TMEM245: variants seen among roughly 807,000 people sequenced by gnomAD.
The protein encoded by TMEM245 is protein CG-2.
TMEM245 carries 69 observed loss-of-function variants against 101.2 expected under a neutral mutation model. The ratio of observed to expected loss-of-function variants is 0.68; its 90% CI spans 0.56 to 0.83. The LOEUF (loss-of-function observed/expected upper bound fraction) is 0.83, where lower values mean the gene tolerates loss of function less well. TMEM245 is among the 40% of genes least tolerant of loss of function. The pLI, the probability that TMEM245 is intolerant of heterozygous loss-of-function variation, is 0.00. For missense variants in TMEM245, 1,075 were observed against 1,092.8 expected (o/e 0.98, Z 0.23); for synonymous variants, 537 against 449.8 (o/e 1.19, Z -2.45).
At chr9:109,032,579 G>T (rs1383363559) in intron 17 of TMEM245, among the ~76,000 whole-genome samples, 1 of 149,112 alleles carries the variant, frequency 6.7e-6, no homozygotes, top group Non-Finnish European at 1.5e-5. Flanking sequence ...GTAGAGATGG[G>T]GTTTTACCAT....
intron 3 of TMEM245, among the ~76,000 whole-genome samples, chr9:109,102,148 C>G (rs1830297233): frequency 6.6e-6 from 1 of 151,974 alleles, no homozygotes; most frequent in African/African-American, 2.4e-5. Flanking sequence ...CAGCAGTTGC[C>G]AAAACAGGAA....
rs1554725101 is a variant in TMEM245 at position 109,083,916 on chromosome 9, A to AAAAAAAAAAAAAAAAAAAAAAAAAAAC, written c.1344+2080_1344+2081insGTTTTTTTTTTTTTTTTTTTTTTTTTT. ...ACTAAAAATACAAAAAAAAAAAAAAAAAAAAAAAAAAAACACCAGGCATGG... is the reference window on the plus strand; with the variant it reads ...ACTAAAAATACAAAAAAAAAAAAAAAAAAAAAAAAAAAAAAAAAAAAAAAAACAAAAAAAAAAAAACACCAGGCATGG... On this transcript the variant is annotated intron_variant, in intron 7 of 17. Coordinates refer to ENST00000374586, the MANE Select transcript of TMEM245 (RefSeq NM_032012.4). 4.1e-4 allele frequency among the ~76,000 whole-genome samples: 55 copies of AAAAAAAAAAAAAAAAAAAAAAAAAAAC among 132,564 alleles called. 3 individuals carry two copies. The highest frequency in any genetic ancestry group is 3.7e-3 in the Middle Eastern group (1 of 270). 87.0% of individuals were successfully genotyped at this position (132,564 alleles called of 152,430 possible).
chr9:109,083,124 G>T (rs1829716257), intron 7 of TMEM245, among the ~76,000 whole-genome samples: 1 of 151,948 alleles, frequency 6.6e-6, no homozygotes, highest in African/African-American at 2.4e-5. Flanking sequence ...AAAAAAAATG[G>T]GGGCACGGGG....
intron 12 of TMEM245, among the ~76,000 whole-genome samples, chr9:109,056,359 C>T (rs1828835694): frequency 1.4e-5 from 2 of 146,874 alleles, no homozygotes; most frequent in South Asian, 2.1e-4. Flanking sequence ...TTTGGGAGGC[C>T]GAGGCAGGCA....
At position 109,019,872 on chromosome 9, in the gene TMEM245, T is replaced by G. The variant is rs1399431855; in HGVS notation, c.*588A>C. The G allele has an allele frequency of 6.6e-6, 1 of 152,290 alleles. No individual in the cohort carries two copies. Among genetic ancestry groups the G allele is most frequent in the African/African-American group, 2.4e-5 (1 of 41,444 alleles). 9.4% of individuals were successfully genotyped at this position (152,290 alleles called of 1,614,324 possible). A position where few individuals can be genotyped will look rare whatever the true frequency, so the allele number is the denominator to read the frequency against. Reference sequence around the variant, plus strand: ...CTTTGTATCTCCCAGGGTTATAATATAAAACTGAACATCAAATAAGCCACC... The same window carrying G: ...CTTTGTATCTCCCAGGGTTATAATAGAAAACTGAACATCAAATAAGCCACC... On this transcript the variant is annotated 3_prime_UTR_variant, in exon 18 of 18. Transcript: ENST00000374586.
Position 109,017,781 on chromosome 9 carries a change from C to T in TMEM245, c.*2679G>A, listed in dbSNP as rs952607323. The T allele has an allele frequency of 1.3e-5, 2 of 152,208 alleles. No individual in the cohort carries two copies. The highest frequency in any genetic ancestry group is 2.9e-5 in the Non-Finnish European group (2 of 68,030). 9.4% of individuals were successfully genotyped at this position (152,208 alleles called of 1,614,324 possible). On this transcript the variant is annotated 3_prime_UTR_variant, in exon 18 of 18. Transcript: ENST00000374586. ...TTATCTTTGAGACTTGAGCTTAAAA[C>T]TCCTACCTTTTCATACCACTTGATC...
intron 11 of TMEM245, among the ~76,000 whole-genome samples, chr9:109,059,254 T>G (rs1828936840): frequency 6.6e-6 from 1 of 152,144 alleles, no homozygotes; most frequent in African/African-American, 2.4e-5. Context: ...ACTAACAATC[T>G]TCCTTCAACT....
At chr9:109,050,501 G>A in intron 13 of TMEM245, 69 bp downstream of exon 13, 1 of 1,612,206 alleles carries the variant, frequency 6.2e-7, no homozygotes, top group African/African-American at 1.3e-5. Flanking sequence ...ATCTGCAATT[G>A]CAAATGAAAC....
At chr9:109,049,274 T>A (rs1447594298) in intron 14 of TMEM245, among the ~76,000 whole-genome samples, 1 of 152,218 alleles carries the variant, frequency 6.6e-6, no homozygotes, top group Non-Finnish European at 1.5e-5. Context: ...AGTGCAGTGG[T>A]GTGACCAAGT....
chr9:109,083,232 A>C (rs978042887), intron 7 of TMEM245, among the ~76,000 whole-genome samples: 3 of 152,170 alleles, frequency 2.0e-5, no homozygotes, highest in Non-Finnish European at 4.4e-5. Flanking sequence ...ACAAAGACTG[A>C]ATAGAAAAAG....
intron 14 of TMEM245, among the ~76,000 whole-genome samples, chr9:109,049,266 T>G (rs1011495762): frequency 6.6e-6 from 1 of 152,238 alleles, no homozygotes; most frequent in African/African-American, 2.4e-5. Flanking sequence ...TAGGCTGCAG[T>G]GCAGTGGTGT....
At chr9:109,028,696 T>C (rs898817670) in intron 17 of TMEM245, among the ~76,000 whole-genome samples, 1 of 152,108 alleles carries the variant, frequency 6.6e-6, no homozygotes, top group Non-Finnish European at 1.5e-5. Flanking sequence ...TTAAAAAGTC[T>C]AGGGGTCAGA....
At position 109,119,930 on chromosome 9, in the gene TMEM245, C is replaced by G. The variant is rs751437111; in HGVS notation, c.-17G>C. On this transcript the variant is annotated 5_prime_UTR_variant, in exon 1 of 18. Coordinates refer to ENST00000374586, the MANE Select transcript of TMEM245 (RefSeq NM_032012.4). Reference sequence around the variant, plus strand: ...GTCGGCCATCGTTCCTCCGCCACAGCCGCCCCCGAGGGGCGGTAATGGGAG... The same window carrying G: ...GTCGGCCATCGTTCCTCCGCCACAGGCGCCCCCGAGGGGCGGTAATGGGAG... The G allele has an allele frequency of 7.8e-7, 1 of 1,289,668 alleles. No homozygotes were observed. Among genetic ancestry groups the G allele is most frequent in the East Asian group, 2.9e-5 (1 of 34,158 alleles). 79.9% of individuals were successfully genotyped at this position (1,289,668 alleles called of 1,614,324 possible). A position where few individuals can be genotyped will look rare whatever the true frequency, so the allele number is the denominator to read the frequency against.
intron 2 of TMEM245, 33 bp downstream of exon 2, chr9:109,108,420 T>TAAAA (rs5899838): frequency 1.3e-3 from 1,181 of 938,026 alleles, no homozygotes; most frequent in East Asian, 3.1e-3. Context: ...AGGCTAGACT[T>TAAAA]AAAAAAAAAA....
chr9:109,108,420 TAAAAAAAAAAAA>T (rs5899838), intron 2 of TMEM245, 21 bp downstream of exon 2: 15 of 939,652 alleles, frequency 1.6e-5, no homozygotes, highest in Non-Finnish European at 2.2e-5. Flanking sequence ...AGGCTAGACT[TAAAAAAAAAAAA>T]AAAAAAAAGA....
At chr9:109,102,004 G>A (rs1187808847) in intron 3 of TMEM245, among the ~76,000 whole-genome samples, 4 of 142,672 alleles carry the variant, frequency 2.8e-5, no homozygotes, top group Non-Finnish European at 6.4e-5. Flanking sequence ...GACAAAAGCA[G>A]TCAAAAGGGG....
chr9:109,059,250 A>C (rs72607166), intron 11 of TMEM245, among the ~76,000 whole-genome samples: 33,642 of 152,100 alleles, frequency 0.22, 4,534 homozygotes, highest in Admixed American at 0.3. Context: ...AAAAACTAAC[A>C]ATCTTCCTTC....
intron 8 of TMEM245, among the ~76,000 whole-genome samples, chr9:109,079,367 T>C (rs536309422): frequency 1.3e-5 from 2 of 152,002 alleles, no homozygotes; most frequent in African/African-American, 4.8e-5. Flanking sequence ...ATCCTGAGAC[T>C]TTCCATTTGA....
chr9:109,059,796 CA>C (rs1306569630), intron 11 of TMEM245, among the ~76,000 whole-genome samples: 1 of 152,000 alleles, frequency 6.6e-6, no homozygotes, highest in Non-Finnish European at 1.5e-5. Context: ...CTGTCTAAAA[CA>C]GTAGCCAGTA....
Sources: gnomAD v4.1 joint callset for allele counts (sites outside exome capture counted in the v4.1 genomes callset) on GRCh38, gnomAD v4.1.1 for gene constraint, MANE v1.5 for transcripts, NCBI Gene and HGNC (gene_info 2026-07-23, HGNC 2026-07-21) for gene names.